Variants in MAN1A1 observed in about 807,000 individuals in gnomAD.
MAN1A1 encodes the protein mannosyl-oligosaccharide 1,2-alpha-mannosidase IA.
In MAN1A1, 29 loss-of-function variants were observed where a neutral mutation model predicts 70.8. That is an observed-to-expected ratio of 0.41 (90% CI 0.31 to 0.56). The LOEUF (loss-of-function observed/expected upper bound fraction) is 0.56, where lower values mean the gene tolerates loss of function less well. Among genes scored for constraint, MAN1A1 ranks in the 20% least tolerant of loss-of-function variants. The pLI is 0.29. For synonymous variants in MAN1A1, 349 were observed against 330.1 expected, an observed-to-expected ratio of 1.06 and a Z score of -0.62; for missense variants, 747 against 841.3, an observed-to-expected ratio of 0.89 and a Z score of 1.39.
At chr6:119,229,770 A>G (rs984340813) in intron 6 of MAN1A1, among the ~76,000 whole-genome samples, 5 of 152,204 alleles carry the variant, frequency 3.3e-5, no homozygotes, top group African/African-American at 1.2e-4. Flanking sequence ...ACAAACAGAT[A>G]AAGATATGTA....
chr6:119,348,352 C>T, intron 2 of MAN1A1, 111 bp downstream of exon 2: 1 of 1,107,816 alleles, frequency 9.0e-7, no homozygotes, highest in Non-Finnish European at 1.3e-6. Context: ...AGGGGCAAAC[C>T]TCCATCTCCC....
intron 3 of MAN1A1, among the ~76,000 whole-genome samples, chr6:119,302,999 G>A (rs957793662): frequency 2.6e-5 from 4 of 151,908 alleles, no homozygotes; most frequent in Non-Finnish European, 5.9e-5. Flanking sequence ...AAAATTACAC[G>A]TGTGCATCTT....
intron 5 of MAN1A1, among the ~76,000 whole-genome samples, chr6:119,283,128 T>C (rs142834249): frequency 5.4e-4 from 83 of 152,302 alleles, no homozygotes; most frequent in African/African-American, 2.0e-3. Flanking sequence ...GGGTTGAAGG[T>C]GGAGCCACAG....
intron 5 of MAN1A1, among the ~76,000 whole-genome samples, chr6:119,265,998 A>T (rs1334481989): frequency 6.6e-6 from 1 of 152,166 alleles, no homozygotes; most frequent in African/African-American, 2.4e-5. Context: ...TGAAATTAAA[A>T]ACACAATACC....
At chr6:119,287,883 C>A (rs1776420742) in intron 5 of MAN1A1, among the ~76,000 whole-genome samples, 1 of 151,910 alleles carries the variant, frequency 6.6e-6, no homozygotes, top group African/African-American at 2.4e-5. Flanking sequence ...ATTTAATATT[C>A]ATCTTATCCC....
At chr6:119,223,096 TGAATATTTA>T (rs1371388700) in intron 6 of MAN1A1, among the ~76,000 whole-genome samples, 7 of 152,078 alleles carry the variant, frequency 4.6e-5, no homozygotes, top group Non-Finnish European at 1.5e-5. Context: ...TATTTTAGAA[TGAATATTTA>T]GAATATTCAT....
At chr6:119,339,924 C>T (rs1291817013) in intron 2 of MAN1A1, among the ~76,000 whole-genome samples, 1 of 152,014 alleles carries the variant, frequency 6.6e-6, no homozygotes, top group African/African-American at 2.4e-5. Flanking sequence ...AACCTTGCCT[C>T]TACCAAAAAT....
At chr6:119,323,320 C>T (rs1773065599) in intron 2 of MAN1A1, among the ~76,000 whole-genome samples, 1 of 152,136 alleles carries the variant, frequency 6.6e-6, no homozygotes, top group African/African-American at 2.4e-5. Context: ...GGTTATCATC[C>T]TCGCTGCAAT....
chr6:119,228,549 G>A (rs1774583200), intron 6 of MAN1A1, among the ~76,000 whole-genome samples: 1 of 151,922 alleles, frequency 6.6e-6, no homozygotes, highest in Admixed American at 6.6e-5. Context: ...AGAATTCTAT[G>A]ACTATACATC....
chr6:119,252,926 C>T (rs889363616), intron 5 of MAN1A1, among the ~76,000 whole-genome samples: 6 of 152,066 alleles, frequency 3.9e-5, no homozygotes, highest in African/African-American at 1.4e-4. Flanking sequence ...ACAACTACAT[C>T]GGAAGTTGCC....
At chr6:119,213,939 A>G (rs1774122197) in intron 6 of MAN1A1, among the ~76,000 whole-genome samples, 1 of 152,182 alleles carries the variant, frequency 6.6e-6, no homozygotes, top group Admixed American at 6.5e-5. Flanking sequence ...TATTAGATAA[A>G]TATATTGCAA....
At chr6:119,283,514 TATA>T (rs1776274902) in intron 5 of MAN1A1, among the ~76,000 whole-genome samples, 2 of 151,916 alleles carry the variant, frequency 1.3e-5, no homozygotes, top group South Asian at 2.1e-4. Flanking sequence ...AACAATGAAC[TATA>T]ATAATATCGT....
chr6:119,186,651 C>T (rs1773298616), intron 11 of MAN1A1, among the ~76,000 whole-genome samples: 1 of 152,200 alleles, frequency 6.6e-6, no homozygotes, highest in African/African-American at 2.4e-5. Flanking sequence ...AAAGCTCTTC[C>T]ACCTTCTTTT....
chr6:119,241,898 ATGTG>A (rs59230995), intron 6 of MAN1A1, among the ~76,000 whole-genome samples: 109,213 of 149,450 alleles, frequency 0.73, 40,289 homozygotes, highest in Non-Finnish European at 0.8. Flanking sequence ...CAGCAATTAT[ATGTG>A]TGTGTGTGTG....
chr6:119,335,970 G>A (rs966633071), intron 2 of MAN1A1, among the ~76,000 whole-genome samples: 1 of 152,204 alleles, frequency 6.6e-6, no homozygotes, highest in Non-Finnish European at 1.5e-5. Context: ...TGAAGTCACT[G>A]GACCAGAAGC....
intron 2 of MAN1A1, among the ~76,000 whole-genome samples, chr6:119,318,620 T>A (rs934180047): frequency 3.3e-5 from 5 of 152,196 alleles, no homozygotes; most frequent in African/African-American, 4.8e-5. Flanking sequence ...AAAACCAACT[T>A]CCAATCTTTC....
chr6:119,229,112 G>A (rs1231015088), intron 6 of MAN1A1, among the ~76,000 whole-genome samples: 1 of 151,768 alleles, frequency 6.6e-6, no homozygotes, highest in Admixed American at 6.6e-5. Flanking sequence ...ATATATTTGA[G>A]GCAAGAACTT....
At chr6:119,322,804 A>G (rs1244083799) in intron 2 of MAN1A1, among the ~76,000 whole-genome samples, 2 of 152,244 alleles carry the variant, frequency 1.3e-5, no homozygotes, top group Non-Finnish European at 2.9e-5. Flanking sequence ...AGGAAGTAGC[A>G]AACCAAGCTG....
intron 1 of MAN1A1, 40 bp from the exon 2 acceptor site, chr6:119,349,327 A>G: frequency 8.6e-7 from 1 of 1,161,116 alleles, no homozygotes; most frequent in Non-Finnish European, 1.1e-6. Flanking sequence ...AATTACGGCG[A>G]TGATAAAGTT....
Sources: allele counts gnomAD v4.1 joint callset (sites outside exome capture counted in the v4.1 genomes callset), GRCh38; gene constraint gnomAD v4.1.1; transcripts MANE v1.5; gene names NCBI Gene and HGNC (gene_info 2026-07-23, HGNC 2026-07-21).